The following JAK2 variants were observed in gnomAD, a reference collection of about 807,000 sequenced individuals.
JAK2 encodes tyrosine-protein kinase JAK2.
JAK2 carries 86 observed loss-of-function variants against 139.3 expected under a neutral mutation model. The ratio of observed to expected loss-of-function variants is 0.62; its 90% CI spans 0.52 to 0.74. The LOEUF (loss-of-function observed/expected upper bound fraction) is 0.74. Among genes scored for constraint, JAK2 ranks in the 30% least tolerant of loss-of-function variants. The pLI is 0.00. For missense variants in JAK2, 1,421 were observed against 1,360.3 expected, an observed-to-expected ratio of 1.04 and a Z score of -0.70; for synonymous variants, 490 against 437.7, an observed-to-expected ratio of 1.12 and a Z score of -1.49.
At chr9:5,112,775 G>C in intron 22 of JAK2, 2 of 598,474 alleles carry the variant, frequency 3.3e-6, no homozygotes. Flanking sequence ...GCGCGTGTTC[G>C]GAGGCCCCCA....
At chr9:5,081,595 CTA>C in intron 18 of JAK2, 128 bp from the exon 19 acceptor site, 2 of 624,296 alleles carry the variant, frequency 3.2e-6, no homozygotes, top group Non-Finnish European at 5.6e-6. Context: ...ATAATTGAAA[CTA>C]TTTGAGTTTC....
At chr9:5,058,623 C>A (rs1000303845) in intron 8 of JAK2, among the ~76,000 whole-genome samples, 2 of 152,172 alleles carry the variant, frequency 1.3e-5, no homozygotes, top group African/African-American at 2.4e-5. Context: ...TTTTAGGGAG[C>A]CACCATGCTG....
chr9:5,111,624 T>A, intron 22 of JAK2: 3 of 374,872 alleles, frequency 8.0e-6, no homozygotes, highest in South Asian at 6.1e-5. Flanking sequence ...TTTGGCCCCA[T>A]GCTGGGCGGG....
rs192184627 is a variant in JAK2, at chr9:5,085,039, C to A, written c.2571+3178C>A. 26 of 787,782 alleles carry A rather than the reference C, an allele frequency of 3.3e-5. No individual in the cohort carries two copies. The Admixed American group carries it at 4.7e-4, about 14-fold the overall frequency. 48.8% of individuals were successfully genotyped at this position (787,782 alleles called of 1,614,324 possible). On this transcript the variant is annotated intron_variant, in intron 19 of 24. Transcript: ENST00000381652. The stretch of plus-strand genomic sequence containing the variant: ...ACAATTTCTGAAAGTTGAATGAGGG[C>A]GTCTCTTTCTGGGGATGAGAAGTTT...
rs139809449 is a variant in JAK2, at chr9:5,119,856, T to C, written c.3060-3148T>C. 4.6e-3 allele frequency among the ~76,000 whole-genome samples: 695 copies of C among 152,320 alleles called. 9 individuals carry two copies. Among genetic ancestry groups the C allele is most frequent in the African/African-American group, 0.016 (651 of 41,580 alleles). ...TCAGGCAGTTAGCATATAGTTTTAT[T>C]TTTATATTTGCAAGTAGAAAATAAA... On this transcript the variant is annotated intron_variant, in intron 22 of 24. Coordinates refer to ENST00000381652, the MANE Select transcript of JAK2 (RefSeq NM_004972.4).
At chr9:5,104,853 C>G (rs931246973) in intron 22 of JAK2, among the ~76,000 whole-genome samples, 9 of 152,196 alleles carry the variant, frequency 5.9e-5, no homozygotes, top group Non-Finnish European at 1.2e-4. Flanking sequence ...TGACAAAATT[C>G]TACAGCCCTT....
intron 19 of JAK2, chr9:5,085,182 C>G (rs1006068006): frequency 9.2e-6 from 6 of 655,516 alleles, no homozygotes; most frequent in African/African-American, 1.8e-5. Context: ...GCAAACTGAA[C>G]CATCTCATGA....
Position 5,085,615 on chromosome 9 carries a change from C to T in JAK2, c.2571+3754C>T, listed in dbSNP as rs547131781. ...AGATACTACAGAAAGAATTAAATCTCCAGCAAGGACAGCCTTCTTTTCACC... is the reference window on the plus strand; with the variant it reads ...AGATACTACAGAAAGAATTAAATCTTCAGCAAGGACAGCCTTCTTTTCACC... On this transcript the variant is annotated intron_variant, in intron 19 of 24. Coordinates refer to ENST00000381652, the MANE Select transcript of JAK2 (RefSeq NM_004972.4). 151 of 702,736 alleles carry T rather than the reference C, an allele frequency of 2.1e-4. 1 individual carries two copies. The highest frequency in any genetic ancestry group is 1.4e-3 in the Middle Eastern group (5 of 3,624). 43.5% of individuals were successfully genotyped at this position (702,736 alleles called of 1,614,324 possible).
At chr9:5,112,576 G>C in intron 22 of JAK2, 1 of 678,698 alleles carries the variant, frequency 1.5e-6, no homozygotes, top group South Asian at 2.1e-5. Context: ...GCGGCTGCGG[G>C]TCCCTTAAGA....
chr9:5,111,552 A>G (rs371339776), intron 22 of JAK2: 6 of 366,390 alleles, frequency 1.6e-5, no homozygotes, highest in African/African-American at 8.6e-5. Flanking sequence ...GCCCCCTTCT[A>G]CATGGCAGAT....
intron 19 of JAK2, among the ~76,000 whole-genome samples, chr9:5,086,403 G>T (rs1345916457): frequency 6.6e-6 from 1 of 152,192 alleles, no homozygotes; most frequent in African/African-American, 2.4e-5. Context: ...GGGATTCAGA[G>T]ATCAGGATCT....
At chr9:5,100,739 C>T (rs1052593233) in intron 22 of JAK2, 2 of 152,150 alleles carry the variant, frequency 1.3e-5, no homozygotes, top group African/African-American at 2.4e-5. Context: ...TCACGATTAC[C>T]TTAGGTATTT....
chr9:5,009,957 G>A (rs912329717), intron 2 of JAK2, among the ~76,000 whole-genome samples: 1 of 152,066 alleles, frequency 6.6e-6, no homozygotes, highest in African/African-American at 2.4e-5. Flanking sequence ...CTTTTTTGTA[G>A]AGACAGGGTC....
intron 4 of JAK2, among the ~76,000 whole-genome samples, chr9:5,038,886 A>T (rs1489235143): frequency 6.6e-6 from 1 of 152,146 alleles, no homozygotes; most frequent in Non-Finnish European, 1.5e-5. Flanking sequence ...CACCACATTA[A>T]TAGAATAAAT....
chr9:4,993,515 C>T (rs1820381841), intron 2 of JAK2, among the ~76,000 whole-genome samples: 1 of 152,184 alleles, frequency 6.6e-6, no homozygotes, highest in African/African-American at 2.4e-5. Context: ...CTCCTTAATT[C>T]ATTAGGTCAG....
chr9:5,062,500 TAA>T (rs58424625), intron 8 of JAK2, among the ~76,000 whole-genome samples: 43 of 58,232 alleles, frequency 7.4e-4, no homozygotes, highest in African/African-American at 4.4e-3. Flanking sequence ...CTTCCATTTG[TAA>T]AAAAAAAAAA....
chr9:5,085,101 G>C (rs750378668), intron 19 of JAK2: 1 of 656,256 alleles, frequency 1.5e-6, no homozygotes, highest in South Asian at 1.4e-5. Flanking sequence ...AGTACTGCTG[G>C]GCAAGGTAGG....
At chr9:5,119,388 C>A (rs912045571) in intron 22 of JAK2, among the ~76,000 whole-genome samples, 26 of 151,510 alleles carry the variant, frequency 1.7e-4, no homozygotes, top group African/African-American at 6.1e-4. Flanking sequence ...AAATTATGCA[C>A]TTTCATGTAT....
intron 10 of JAK2, among the ~76,000 whole-genome samples, chr9:5,067,818 A>G (rs1818670793): frequency 6.6e-6 from 1 of 152,168 alleles, no homozygotes; most frequent in Non-Finnish European, 1.5e-5. Context: ...GTAATTATCT[A>G]GCATAGGCAA....
Sources: allele counts gnomAD v4.1 joint callset (sites outside exome capture counted in the v4.1 genomes callset), GRCh38; gene constraint gnomAD v4.1.1; transcripts MANE v1.5; gene names NCBI Gene and HGNC (gene_info 2026-07-23, HGNC 2026-07-21).